Variants in CFAP221 observed in about 807,000 individuals in gnomAD.
The protein encoded by CFAP221 is cilia- and flagella-associated protein 221.
Under a neutral mutation model 113.1 loss-of-function variants are expected in CFAP221, and 97 were observed. The ratio of observed to expected loss-of-function variants is 0.86; its 90% CI spans 0.73 to 1.02. The LOEUF is 1.02. Ranked by LOEUF, CFAP221 falls within the 50% of genes least tolerant of loss-of-function variation. The pLI, the probability that CFAP221 is intolerant of heterozygous loss-of-function variation, is 0.00. For missense variants in CFAP221, 1,025 were observed against 1,013.4 expected (o/e 1.01, Z -0.16); for synonymous variants, 331 against 354.4 (o/e 0.93, Z 0.74).
At position 119,625,947 on chromosome 2, in the gene CFAP221, CT is replaced by C. The variant is rs1574169537; in HGVS notation, c.1516+263del. 6.8e-6 allele frequency: 3 copies of C among 440,670 alleles called. No individual in the cohort carries two copies. In the East Asian group the frequency reaches 1.2e-4, roughly 18 times the overall value. 27.3% of individuals were successfully genotyped at this position (440,670 alleles called of 1,614,324 possible). A position where few individuals can be genotyped will look rare whatever the true frequency, so the allele number is the denominator to read the frequency against. On this transcript the variant is annotated intron_variant, in intron 15 of 23. Transcript: ENST00000413369. ...TCAACCTAGCATTCACACATTAAGC[CT>C]TTTAAACTTAATGGCTTAAAAGAAT...
chr2:119,651,890 C>T (rs902444006), intron 22 of CFAP221, 84 bp from the exon 23 acceptor site: 4 of 1,078,206 alleles, frequency 3.7e-6, no homozygotes, highest in African/African-American at 1.6e-5. Context: ...AATTGCATAA[C>T]TCCTAAATGA....
intron 7 of CFAP221, among the ~76,000 whole-genome samples, chr2:119,596,162 G>T (rs1011668265): frequency 6.6e-6 from 1 of 152,182 alleles, no homozygotes; most frequent in Non-Finnish European, 1.5e-5. Context: ...GGGAATGCAG[G>T]TTGGAGTAGC....
intron 15 of CFAP221, 102 bp from the exon 16 acceptor site, chr2:119,627,547 ACACC>A: frequency 1.1e-5 from 10 of 944,252 alleles, no homozygotes; most frequent in Non-Finnish European, 1.4e-5. Context: ...ATATATATAC[ACACC>A]CACCCACTAA....
chr2:119,637,906 T>C (rs1687214324), intron 19 of CFAP221, among the ~76,000 whole-genome samples: 1 of 152,230 alleles, frequency 6.6e-6, no homozygotes, highest in African/African-American at 2.4e-5. Context: ...TTTAAACCAG[T>C]GTGCTCATTT....
At position 119,549,081 on chromosome 2, in the gene CFAP221, A is replaced by G. The variant is rs1407821011; in HGVS notation, c.140-4A>G. The stretch of plus-strand genomic sequence containing the variant: ...TGATGTGCTTATCTACATTGTTTTT[A>G]TAGAGGTTTATGCAAAACTTGTGAA... On this transcript the variant is annotated splice_polypyrimidine_tract_variant and splice_region_variant and intron_variant, in intron 2 of 23. Transcript: ENST00000413369. 2.6e-6 allele frequency: 4 copies of G among 1,512,504 alleles called. No individual in the cohort carries two copies. The highest frequency in any genetic ancestry group is 3.5e-6 in the Non-Finnish European group (4 of 1,135,686). 93.7% of individuals were successfully genotyped at this position (1,512,504 alleles called of 1,614,324 possible). A position where few individuals can be genotyped will look rare whatever the true frequency, so the allele number is the denominator to read the frequency against.
In CFAP221 at chr2:119,604,673, T is replaced by A. The variant is rs572667132; in HGVS notation, c.793T>A (p.Leu265Ile). 1.9e-5 allele frequency: 30 copies of A among 1,555,012 alleles called. 1 individual carries two copies. In the South Asian group the frequency reaches 3.6e-4, roughly 19 times the overall value. Residue 265 changes from leucine to isoleucine, a missense_variant and splice_region_variant, in exon 9 of 24, where the codon TTA becomes ATA. By Grantham distance (5) the Leu-to-Ile change is conservative. Coordinates refer to ENST00000413369, the MANE Select transcript of CFAP221 (RefSeq NM_001271049.2). ...GTCYPNMALP[L>I]EEFERLNTLS... ...TTTAACACTTGTTTTAACCTATAGA[T>A]TAGAAGAGTTTGAAAGGTTGAATAC...
chr2:119,574,663 C>A (rs1274073176), intron 6 of CFAP221, among the ~76,000 whole-genome samples: 1 of 152,156 alleles, frequency 6.6e-6, no homozygotes, highest in Non-Finnish European at 1.5e-5. Flanking sequence ...ACTGCTTCTG[C>A]TGCAGCAGCC....
intron 7 of CFAP221, among the ~76,000 whole-genome samples, chr2:119,596,251 G>A (rs1270643978): frequency 2.6e-5 from 4 of 152,184 alleles, no homozygotes; most frequent in Non-Finnish European, 5.9e-5. Flanking sequence ...GATGGTGAGG[G>A]ACAGATGATG....
chr2:119,658,079 A>G (rs1285180966), downstream of CFAP221, among the ~76,000 whole-genome samples: 1 of 152,122 alleles, frequency 6.6e-6, no homozygotes, highest in South Asian at 2.1e-4. Flanking sequence ...GTATCTACGT[A>G]TCTTTATATG....
intron 6 of CFAP221, among the ~76,000 whole-genome samples, chr2:119,576,946 G>A (rs754573222): frequency 2.0e-5 from 3 of 152,178 alleles, no homozygotes; most frequent in African/African-American, 4.8e-5. Context: ...AATAACTGGC[G>A]AGTTCCCTGA....
chr2:119,595,671 G>A (rs2104643855), intron 7 of CFAP221, among the ~76,000 whole-genome samples: 1 of 152,264 alleles, frequency 6.6e-6, no homozygotes, highest in Middle Eastern at 3.4e-3. Flanking sequence ...CCTGGTCCCT[G>A]CTGTGTTGGA....
At chr2:119,571,190 G>T (rs1030259843) in intron 6 of CFAP221, among the ~76,000 whole-genome samples, 2 of 130,700 alleles carry the variant, frequency 1.5e-5, no homozygotes, top group African/African-American at 3.0e-5. Flanking sequence ...ACCCAGGCTA[G>T]AGTGCAGTGG....
At position 119,625,598 on chromosome 2, in the gene CFAP221, C is replaced by T. The variant is rs760469971; in HGVS notation, c.1426C>T (p.Arg476Ter). The T allele has an allele frequency of 2.1e-5, 34 of 1,612,430 alleles. No homozygotes were observed. The highest frequency in any genetic ancestry group is 3.3e-4 in the Middle Eastern group (2 of 6,080). ...CCAATTTCAGGTCATGATTCAGGGA[C>T]GATTATTCAATATGCTGAGTGCTGT... The part of the protein sequence containing the change: ...QVARKVMIQG[R>*]LFNMLSAVRE... Residue 476 changes from arginine to a stop codon, truncating the protein, a stop_gained, in exon 15 of 24, where the codon CGA becomes TGA. Transcript: ENST00000413369. LOFTEE classifies it high-confidence loss of function.
chr2:119,563,692 T>G (rs1453443938), intron 6 of CFAP221, among the ~76,000 whole-genome samples: 3 of 152,208 alleles, frequency 2.0e-5, no homozygotes, highest in African/African-American at 7.2e-5. Context: ...TGGGTTGATA[T>G]TTTGAATATC....
At chr2:119,559,809 T>G in intron 4 of CFAP221, 34 bp downstream of exon 4, 2 of 1,490,862 alleles carry the variant, frequency 1.3e-6, no homozygotes, top group Non-Finnish European at 9.0e-7. Context: ...TCTCCCACGG[T>G]GTGGTTGTCT....
chr2:119,571,659 T>C (rs537386048), intron 6 of CFAP221, among the ~76,000 whole-genome samples: 67 of 152,168 alleles, frequency 4.4e-4, no homozygotes, highest in African/African-American at 1.6e-3. Context: ...GATTTCACCA[T>C]GTTGGCCAGG....
At chr2:119,641,536 G>T (rs901328295) in intron 21 of CFAP221, among the ~76,000 whole-genome samples, 9 of 152,092 alleles carry the variant, frequency 5.9e-5, no homozygotes, top group African/African-American at 2.2e-4. Flanking sequence ...TCAGTCCTTG[G>T]GCGAGCTACG....
At position 119,631,287 on chromosome 2, in the gene CFAP221, A is replaced by G. The variant is rs151221631; in HGVS notation, c.1974+386A>G. Among the ~76,000 whole-genome samples, 15 of 152,360 alleles carry G rather than the reference A, an allele frequency of 9.8e-5. No homozygotes were observed. In the East Asian group the frequency reaches 2.9e-3, roughly 29 times the overall value. On this transcript the variant is annotated intron_variant, in intron 19 of 23. Transcript: ENST00000413369. ...GGAAAAGAAGAAAAGTTTCAAGTTA[A>G]TGTCCTAAGCTACCCCTTTAAAAAA...
chr2:119,615,562 C>G (rs748049525), intron 13 of CFAP221, 49 bp from the exon 14 acceptor site: 1 of 1,318,892 alleles, frequency 7.6e-7, no homozygotes, highest in African/African-American at 1.5e-5. Flanking sequence ...ATGTTTATGA[C>G]AGGAGTTAAA....
Sources: gnomAD v4.1 joint callset for allele counts (sites outside exome capture counted in the v4.1 genomes callset) on GRCh38, gnomAD v4.1.1 for gene constraint, MANE v1.5 for transcripts, NCBI Gene and HGNC (gene_info 2026-07-23, HGNC 2026-07-21) for gene names.